MED17: variants seen among roughly 807,000 people sequenced by gnomAD.
The protein encoded by MED17 is mediator complex subunit 17.
A neutral mutation model predicts 80.8 loss-of-function variants in MED17; 49 were observed. The ratio of observed to expected loss-of-function variants is 0.61; its 90% CI spans 0.48 to 0.77. The LOEUF is 0.77. Among genes scored for constraint, MED17 ranks in the 30% least tolerant of loss-of-function variants. The probability of loss-of-function intolerance (pLI) is 0.00; values close to 1 mark genes in which losing one functional copy is unlikely to be tolerated. For synonymous variants in MED17, 281 were observed against 280.4 expected, an observed-to-expected ratio of 1.00 and a Z score of -0.02; for missense variants, 718 against 787.0, an observed-to-expected ratio of 0.91 and a Z score of 1.05.
chr11:93,788,905 C>T (rs1591382583), intron 2 of MED17: 1 of 152,076 alleles, frequency 6.6e-6, no homozygotes, highest in Admixed American at 6.6e-5. Context: ...CCATCTAATC[C>T]TTCCTTCCCT....
At position 93,801,867 on chromosome 11, in the gene MED17, G is replaced by T. The variant is rs199767485; in HGVS notation, c.1361G>T (p.Arg454Leu). Residue 454 changes from arginine (R) to leucine (L), a missense_variant, in exon 9 of 12, where the codon CGA becomes CTA. By Grantham distance (102) the Arg-to-Leu change is moderately radical. Coordinates refer to ENST00000251871, the MANE Select transcript of MED17 (RefSeq NM_004268.5). ...GCAACCATTGACAGCTTAGCAAGCC[G>T]AATTGAGGATCCTCAGATACAGGCT... ...AAATIDSLAS[R>L]IEDPQIQAHW... 1 of 1,613,498 alleles carries T rather than the reference G, an allele frequency of 6.2e-7. No individual in the cohort carries two copies. The highest frequency in any genetic ancestry group is 1.3e-5 in the African/African-American group (1 of 74,998).
At chr11:93,784,814 G>A (rs1334706375) in intron 1 of MED17, 51 bp downstream of exon 1, 2 of 1,530,748 alleles carry the variant, frequency 1.3e-6, no homozygotes, top group Admixed American at 2.0e-5. Flanking sequence ...CCCAGCACCC[G>A]CGCGGGCCTC....
chr11:93,790,267 G>A, intron 2 of MED17: 1 of 485,370 alleles, frequency 2.1e-6, no homozygotes, highest in Non-Finnish European at 4.0e-6. Flanking sequence ...CAGGATAGGG[G>A]GCTGGCAATA....
At chr11:93,785,074 C>G (rs1943754884) in intron 1 of MED17, 1 of 472,284 alleles carries the variant, frequency 2.1e-6, no homozygotes, top group Non-Finnish European at 3.8e-6. Context: ...CTAAAAGAGC[C>G]CTAGATCGGG....
At chr11:93,810,123 T>C in intron 11 of MED17, 1 of 477,298 alleles carries the variant, frequency 2.1e-6, no homozygotes, top group Non-Finnish European at 3.8e-6. Flanking sequence ...AAAAGTATCA[T>C]CAGCATTGTT....
chr11:93,802,419 G>T (rs1158681975), intron 9 of MED17, among the ~76,000 whole-genome samples: 1 of 151,764 alleles, frequency 6.6e-6, no homozygotes, highest in Non-Finnish European at 1.5e-5. Context: ...TTGTTTTTTT[G>T]ATGGCAATTA....
At chr11:93,804,043 A>G (rs1943998354) in intron 9 of MED17, among the ~76,000 whole-genome samples, 1 of 92,488 alleles carries the variant, frequency 1.1e-5, no homozygotes, top group African/African-American at 2.9e-5. Flanking sequence ...ACACATATAC[A>G]CACGCACACA....
In MED17 at chr11:93,788,126, A is replaced by G. The variant is rs1350855771; in HGVS notation, c.376A>G (p.Thr126Ala). The change falls in exon 2 of 12, where the codon ACT (threonine) becomes GCT (alanine). Residue 126 changes from threonine (T) to alanine (A), a missense_variant. Thr to Ala is a moderately conservative substitution (Grantham distance 58). Transcript: ENST00000251871. ...TATTGTTAGGGATAAAAAATTTATG[A>G]CTCTTGATCCTGTCTCTCAGGATGC... is the stretch of plus-strand genomic sequence containing the variant. ...LSIVRDKKFM[T>A]LDPVSQDALP... 4 of 1,613,392 alleles carry G rather than the reference A, an allele frequency of 2.5e-6. No individual in the cohort carries two copies. The South Asian group carries it at 4.4e-5, about 18-fold the overall frequency.
chr11:93,785,096 T>C (rs1389875997), intron 1 of MED17, among the ~76,000 whole-genome samples: 1 of 152,262 alleles, frequency 6.6e-6, no homozygotes, highest in African/African-American at 2.4e-5. Flanking sequence ...CTCTGCCCCT[T>C]GCCGGCTGTG....
At chr11:93,804,833 G>T (rs569584807) in intron 9 of MED17, among the ~76,000 whole-genome samples, 1 of 152,152 alleles carries the variant, frequency 6.6e-6, no homozygotes, top group Non-Finnish European at 1.5e-5. Flanking sequence ...TGTAATTTAC[G>T]TGATTTTTAA....
In MED17 at chr11:93,812,412, A is replaced by G; in HGVS notation, c.*348A>G. On this transcript the variant is annotated 3_prime_UTR_variant, in exon 12 of 12. Transcript: ENST00000251871. The stretch of plus-strand genomic sequence containing the variant: ...AGTATGTGGTTTAAAAAAATCTCCA[A>G]ATACCTTTTTTTCCCCCCAAATACT... 8.1e-6 allele frequency: 4 copies of G among 491,518 alleles called. No individual in the cohort carries two copies. Among genetic ancestry groups the G allele is most frequent in the Non-Finnish European group, 7.1e-6 (2 of 283,652 alleles). 30.4% of individuals were successfully genotyped at this position (491,518 alleles called of 1,614,324 possible). A position where few individuals can be genotyped will look rare whatever the true frequency, so the allele number is the denominator to read the frequency against.
Position 93,784,440 on chromosome 11 carries a change from C to G in MED17, c.-74C>G, listed in dbSNP as rs1274039010. The G allele has an allele frequency of 6.6e-7, 1 of 1,521,436 alleles. No individual in the cohort carries two copies. Among genetic ancestry groups the G allele is most frequent in the Non-Finnish European group, 8.8e-7 (1 of 1,137,708 alleles). The allele number at this position is 1,521,436 out of a possible 1,614,324, so 94.2% of individuals were successfully genotyped here. A position where few individuals can be genotyped will look rare whatever the true frequency, so the allele number is the denominator to read the frequency against. ...GGGCTTCTGAGTTCCCGGCTCTCCG[C>G]AGGGAAGCCTCCTCTTCGTACCTCG... is the stretch of plus-strand genomic sequence containing the variant. On this transcript the variant is annotated 5_prime_UTR_variant, in exon 1 of 12. Transcript: ENST00000251871.
At chr11:93,807,318 C>T (rs1944036404) in intron 9 of MED17, 200 bp from the exon 10 acceptor site, 1 of 503,082 alleles carries the variant, frequency 2.0e-6, no homozygotes, top group Admixed American at 3.3e-5. Context: ...GAGGCTGAGG[C>T]AGGAGACTCT....
At chr11:93,809,638 G>A (rs1055610248) in intron 10 of MED17, 79 bp from the exon 11 acceptor site, 1 of 1,510,524 alleles carries the variant, frequency 6.6e-7, no homozygotes, top group Non-Finnish European at 9.2e-7. Context: ...CCCAACAAAA[G>A]TTTACTTCAT....
At chr11:93,807,868 C>G in intron 10 of MED17, 1 of 536,370 alleles carries the variant, frequency 1.9e-6, no homozygotes, top group Non-Finnish European at 3.3e-6. Flanking sequence ...GATGAAGGAC[C>G]AGTTCTGAGA....
intron 1 of MED17, among the ~76,000 whole-genome samples, chr11:93,787,152 G>T (rs1317949496): frequency 3.9e-5 from 6 of 152,118 alleles, no homozygotes; most frequent in African/African-American, 1.2e-4. Flanking sequence ...AGTGGCTCAC[G>T]TCTGTAATCC....
At chr11:93,810,880 A>C (rs1400418968) in intron 11 of MED17, 1 of 152,266 alleles carries the variant, frequency 6.6e-6, no homozygotes, top group Non-Finnish European at 1.5e-5. Context: ...GGTTCTGAGA[A>C]ATGTGTTGTT....
At chr11:93,804,484 A>C (rs1565293483) in intron 9 of MED17, among the ~76,000 whole-genome samples, 1 of 152,226 alleles carries the variant, frequency 6.6e-6, no homozygotes, top group Non-Finnish European at 1.5e-5. Flanking sequence ...GAAAATAATT[A>C]TCAGAATTCC....
At position 93,810,346 on chromosome 11, in the gene MED17, GTGTTT is replaced by G. The variant is rs539702044; in HGVS notation, c.1744+477_1744+481del. 3.1e-4 allele frequency: 48 copies of G among 154,492 alleles called. No individual in the cohort carries two copies. In the South Asian group the frequency reaches 9.0e-3, roughly 29 times the overall value. 9.6% of individuals were successfully genotyped at this position (154,492 alleles called of 1,614,324 possible). ...ATAATTAAAAATAATTTTAAATAAA[GTGTTT>G]TGTTTTATTTTATCTATTTATTTAT... On this transcript the variant is annotated intron_variant, in intron 11 of 11. Transcript: ENST00000251871.
Sources: gnomAD v4.1 joint callset for allele counts (sites outside exome capture counted in the v4.1 genomes callset) on GRCh38, gnomAD v4.1.1 for gene constraint, MANE v1.5 for transcripts, NCBI Gene and HGNC (gene_info 2026-07-23, HGNC 2026-07-21) for gene names.